KRT14: variants seen among roughly 807,000 people sequenced by gnomAD.
KRT14 encodes the protein keratin, type I cytoskeletal 14.
In KRT14, 30 loss-of-function variants were observed where a neutral mutation model predicts 44.5. The observed-to-expected ratio is 0.67, with a 90% confidence interval of 0.50 to 0.92. The LOEUF is 0.92. Ranked by LOEUF, KRT14 falls within the 40% of genes least tolerant of loss-of-function variation. The probability of loss-of-function intolerance (pLI) is 0.00; values close to 1 mark genes in which losing one functional copy is unlikely to be tolerated. For missense variants in KRT14, 535 were observed against 640.6 expected, an observed-to-expected ratio of 0.84 and a Z score of 1.78; for synonymous variants, 241 against 257.6, an observed-to-expected ratio of 0.94 and a Z score of 0.62.
At position 41,586,624 on chromosome 17, in the gene KRT14, C is replaced by G; in HGVS notation, c.211G>C (p.Gly71Arg). 1 of 1,610,550 alleles carries G rather than the reference C, an allele frequency of 6.2e-7. No homozygotes were observed. Among genetic ancestry groups the G allele is most frequent in the South Asian group, 1.1e-5 (1 of 90,916 alleles). The change falls in exon 1 of 8, where the codon GGT (glycine) becomes CGT (arginine). Residue 71 changes from glycine to arginine, a missense_variant. By Grantham distance (125) the Gly-to-Arg change is moderately radical. Coordinates refer to ENST00000167586, the MANE Select transcript of KRT14 (RefSeq NM_000526.5). Reference sequence around the variant, plus strand: ...CTGCTGCTGCTGCTGCTGAAGCCACCGCCATAGCCGCCCCCCAGCCCGCAG... The same window carrying G: ...CTGCTGCTGCTGCTGCTGAAGCCACGGCCATAGCCGCCCCCCAGCCCGCAG... ...GACGLGGGYG[G>R]GFSSSSSSFG...
At position 41,584,262 on chromosome 17, in the gene KRT14, C is replaced by G. The variant is rs763971684; in HGVS notation, c.760G>C (p.Glu254Gln). ...CTTTTCCATATAGTTCTCACCTCCT[C>G]GTGGTTCTTCTTCAGGTAGGCCAGC... ...EELAYLKKNH[E>Q]EEMNALRGQV... The change falls in exon 3 of 8, where the codon GAG becomes CAG. Residue 254 changes from glutamate (E) to glutamine (Q), a missense_variant. Glu to Gln is a conservative substitution (Grantham distance 29). Transcript: ENST00000167586. 2 of 1,613,768 alleles carry G rather than the reference C, an allele frequency of 1.2e-6. No homozygotes were observed. Among genetic ancestry groups the G allele is most frequent in the Non-Finnish European group, 1.7e-6 (2 of 1,179,950 alleles).
chr17:41,584,184 G>T, intron 3 of KRT14, 73 bp downstream of exon 3: 1 of 1,474,746 alleles, frequency 6.8e-7, no homozygotes, highest in Non-Finnish European at 9.3e-7. Context: ...AAGTAGCTGG[G>T]ACTATGGGCA....
chr17:41,586,224 A>T, intron 1 of KRT14, 86 bp downstream of exon 1: 1 of 1,548,844 alleles, frequency 6.5e-7, no homozygotes, highest in Non-Finnish European at 8.9e-7. Flanking sequence ...CCTATAGAGA[A>T]ATCTTAAGGT....
chr17:41,585,633 T>A (rs1244379964), intron 1 of KRT14, among the ~76,000 whole-genome samples: 2 of 152,230 alleles, frequency 1.3e-5, no homozygotes, highest in Non-Finnish European at 2.9e-5. Flanking sequence ...TGAATTTCCC[T>A]AATCCATGCA....
chr17:41,582,483 A>G lies in KRT14; in HGVS notation c.1371T>C (p.Asp457=), dbSNP rs1907366927. Residue 457 remains aspartate, a synonymous_variant, in exon 8 of 8, where the codon GAT becomes GAC. Transcript: ENST00000167586. ...GCTCGTGGGTGGACACCACCTTGCCATCGTGCACATCCATGACCTTGGTGC... is the reference window on the plus strand; with the variant it reads ...GCTCGTGGGTGGACACCACCTTGCCGTCGTGCACATCCATGACCTTGGTGC... The part of the protein sequence containing the change: ...QIRTKVMDVH[D]GKVVSTHEQV... 4 of 1,573,866 alleles carry G rather than the reference A, an allele frequency of 2.5e-6. No individual in the cohort carries two copies. The highest frequency in any genetic ancestry group is 1.4e-5 in the African/African-American group (1 of 73,992).
In KRT14 at chr17:41,583,275, TCTC is replaced by T. The variant is rs267607389; in HGVS notation, c.1231_1233del (p.Glu411del). On this transcript the variant is annotated inframe_deletion, in exon 6 of 8. Transcript: ENST00000167586. ...TCCAGCAGGCGGCGGTAGGTGGCGATCTCCTGCTCCAGCCGCGTCTTCACGTCC... is the reference window on the plus strand; with the variant it reads ...TCCAGCAGGCGGCGGTAGGTGGCGATCTGCTCCAGCCGCGTCTTCACGTCC... 2 of 1,613,530 alleles carry T rather than the reference TCTC, an allele frequency of 1.2e-6. No homozygotes were observed. Among genetic ancestry groups the T allele is most frequent in the Non-Finnish European group, 1.7e-6 (2 of 1,179,978 alleles).
At position 41,586,801 on chromosome 17, in the gene KRT14, TGGA is replaced by T. The variant is rs1907553240; in HGVS notation, c.31_33del (p.Ser13del). The T allele has an allele frequency of 6.3e-7, 1 of 1,592,410 alleles. No individual in the cohort carries two copies. Among genetic ancestry groups the T allele is most frequent in the African/African-American group, 1.3e-5 (1 of 74,382 alleles). On this transcript the variant is annotated inframe_deletion, in exon 1 of 8. Coordinates refer to ENST00000167586, the MANE Select transcript of KRT14 (RefSeq NM_000526.5). ...ATGCCGCAGGAGCCCTTCATGGAGC[TGGA>T]GGAGGTGAACTGGCGGCTGCAGGTG...
chr17:41,586,113 T>G (rs1255823276), intron 1 of KRT14, among the ~76,000 whole-genome samples, 197 bp downstream of exon 1: 1 of 152,104 alleles, frequency 6.6e-6, no homozygotes, highest in African/African-American at 2.4e-5. Flanking sequence ...GGATTTGAGA[T>G]CAGAAGGGGA....
intron 7 of KRT14, chr17:41,582,882 A>T: frequency 1.6e-6 from 1 of 626,754 alleles, no homozygotes; most frequent in South Asian, 2.0e-5. Context: ...GATCTGCCAC[A>T]GACACCACGT....
chr17:41,583,793 G>A lies in KRT14; in HGVS notation c.894C>T (p.Asn298=). ...AGAACCATTCCTCGGCATCCTTGCG[G>A]TTCTTCTCTGCCATCTTCTCATACT... ...RDQYEKMAEK[N]RKDAEEWFFT... is the part of the protein sequence containing the mutation. The change falls in exon 4 of 8, where the codon AAC becomes AAT. Residue 298 remains asparagine (N), a synonymous_variant. Transcript: ENST00000167586. 1 of 1,614,212 alleles carries A rather than the reference G, an allele frequency of 6.2e-7. No homozygotes were observed. The highest frequency in any genetic ancestry group is 8.5e-7 in the Non-Finnish European group (1 of 1,180,046).
Position 41,583,405 on chromosome 17 carries a change from C to T in KRT14, c.1104G>A (p.Met368Ile), listed in dbSNP as rs1907406393. Residue 368 changes from methionine to isoleucine, a missense_variant, in exon 6 of 8, where the codon ATG (methionine) becomes ATA (isoleucine). Met to Ile is a conservative substitution (Grantham distance 10). Transcript: ENST00000167586. ...SLEETKGRYC[M>I]QLAQIQEMIG... ...TCATCTCCTGGATCTGGGCCAGCTG[C>T]ATGCAGTAGCGACCTTTGGTCTCCT... 1.2e-6 allele frequency: 2 copies of T among 1,613,986 alleles called. No individual in the cohort carries two copies. Among genetic ancestry groups the T allele is most frequent in the Non-Finnish European group, 1.7e-6 (2 of 1,180,036 alleles).
In KRT14 at chr17:41,583,859, AG is replaced by A. The variant is rs760721828; in HGVS notation, c.827del (p.Pro276LeufsTer5). On this transcript the variant is annotated frameshift_variant, in exon 4 of 8. Coordinates refer to ENST00000167586, the MANE Select transcript of KRT14 (RefSeq NM_000526.5). LOFTEE classifies it high-confidence loss of function. ...GDVNVEMDAAPGVDLSRILNE... is the reference protein window; with the variant it reads ...GDVNVEMDAAXGVDLSRILNE... ...TCAGAATGCGGCTCAGGTCCACGCC[AG>A]GTGCAGCGTCCATCTCCACATTGAC... 10 of 1,613,992 alleles carry A rather than the reference AG, an allele frequency of 6.2e-6. No homozygotes were observed. Among genetic ancestry groups the A allele is most frequent in the Non-Finnish European group, 8.5e-6 (10 of 1,180,036 alleles).
chr17:41,585,074 G>T lies in KRT14; in HGVS notation c.526-17C>A, dbSNP rs754454142. ...TGTGAGAATCTGCAGGATGGAAAAG[G>T]CACAGGTAATTTGTCAAATGGACTT... On this transcript the variant is annotated splice_polypyrimidine_tract_variant and intron_variant, in intron 1 of 7. Transcript: ENST00000167586. 1.2e-5 allele frequency: 19 copies of T among 1,598,778 alleles called. No individual in the cohort carries two copies. The South Asian group carries it at 2.0e-4, about 17-fold the overall frequency.
At position 41,583,324 on chromosome 17, in the gene KRT14, G is replaced by T; in HGVS notation, c.1185C>A (p.Asn395Lys). The T allele has an allele frequency of 1.2e-6, 2 of 1,613,764 alleles. No homozygotes were observed. The highest frequency in any genetic ancestry group is 1.7e-6 in the Non-Finnish European group (2 of 1,180,000). Residue 395 changes from asparagine to lysine, a missense_variant, in exon 6 of 8, where the codon AAC (asparagine) becomes AAA (lysine). Physicochemically the swap from Asn to Lys is moderately conservative, Grantham distance 94. Transcript: ENST00000167586. The part of the protein sequence containing the change: ...AQLRCEMEQQ[N>K]QEYKILLDVK... ...CGTCCAGCAGGATCTTGTACTCCTG[G>T]TTCTGCTGCTCCATCTCGCAGCGGA...
intron 3 of KRT14, 99 bp downstream of exon 3, chr17:41,584,158 C>T: frequency 1.7e-6 from 2 of 1,152,366 alleles, no homozygotes; most frequent in Non-Finnish European, 1.2e-6. Context: ...AAGTGATCCT[C>T]CTGTCTCAGC....
chr17:41,584,067 CTCT>C (rs1907439971), intron 3 of KRT14, 146 bp from the exon 4 acceptor site: 1 of 468,820 alleles, frequency 2.1e-6, no homozygotes, highest in South Asian at 2.1e-5. Flanking sequence ...CTCTCTCTCT[CTCT>C]TTTTTTTTTT....
intron 1 of KRT14, among the ~76,000 whole-genome samples, chr17:41,585,577 A>C (rs990874233): frequency 6.6e-6 from 1 of 152,226 alleles, no homozygotes; most frequent in African/African-American, 2.4e-5. Flanking sequence ...AAGAATAAGA[A>C]GATATATTGG....
intron 2 of KRT14, 95 bp downstream of exon 2, chr17:41,584,880 A>C: frequency 1.1e-6 from 1 of 924,672 alleles, no homozygotes; most frequent in Non-Finnish European, 1.8e-6. Flanking sequence ...TCATGCACCT[A>C]TCCTGGTACT....
chr17:41,586,287 C>G, intron 1 of KRT14, 23 bp downstream of exon 1: 5 of 1,611,856 alleles, frequency 3.1e-6, no homozygotes, highest in Non-Finnish European at 4.2e-6. Context: ...TGGAATGGTG[C>G]CTTCTGCTGC....
Sources: allele counts gnomAD v4.1 joint callset (sites outside exome capture counted in the v4.1 genomes callset), GRCh38; gene constraint gnomAD v4.1.1; transcripts MANE v1.5; gene names NCBI Gene and HGNC (gene_info 2026-07-23, HGNC 2026-07-21).